The following UBE3D variants were observed in gnomAD, a reference collection of about 807,000 sequenced individuals.
UBE3D encodes the protein ubiquitin protein ligase E3D.
In UBE3D, 48 loss-of-function variants were observed where a neutral mutation model predicts 49.6. That is an observed-to-expected ratio of 0.97 (90% CI 0.77 to 1.23). UBE3D has a LOEUF of 1.23. UBE3D is among the 50% of genes most tolerant of loss of function. UBE3D has a pLI of 0.00. For missense variants in UBE3D, 452 were observed against 468.4 expected, an observed-to-expected ratio of 0.96 and a Z score of 0.32; for synonymous variants, 189 against 174.2, an observed-to-expected ratio of 1.08 and a Z score of -0.67.
intron 9 of UBE3D, among the ~76,000 whole-genome samples, chr6:82,910,626 G>A (rs112577981): frequency 2.6e-3 from 402 of 152,260 alleles, no homozygotes; most frequent in Non-Finnish European, 4.7e-3. Context: ...CTGCAGAGAC[G>A]GCTGTCACAG....
chr6:83,013,109 A>G (rs1301480028), intron 8 of UBE3D, among the ~76,000 whole-genome samples: 1 of 152,152 alleles, frequency 6.6e-6, no homozygotes, highest in South Asian at 2.1e-4. Context: ...CTCGAGCCCA[A>G]TCATGCATAT....
chr6:82,978,667 A>C (rs948675521), intron 8 of UBE3D, among the ~76,000 whole-genome samples: 1 of 152,178 alleles, frequency 6.6e-6, no homozygotes, highest in South Asian at 2.1e-4. Context: ...AAATGATTTA[A>C]ATCAGTCTAT....
intron 8 of UBE3D, among the ~76,000 whole-genome samples, chr6:83,013,153 C>T (rs1193227610): frequency 6.6e-6 from 1 of 152,184 alleles, no homozygotes; most frequent in Non-Finnish European, 1.5e-5. Context: ...TGCTGCTGTG[C>T]AGGACCACTT....
intron 8 of UBE3D, among the ~76,000 whole-genome samples, chr6:82,985,054 G>A (rs1451829608): frequency 9.8e-6 from 1 of 101,820 alleles, no homozygotes; most frequent in Non-Finnish European, 1.8e-5. Context: ...GTTTTGCTGT[G>A]TTGCCCAGGC....
intron 8 of UBE3D, among the ~76,000 whole-genome samples, chr6:82,996,260 G>A (rs961084299): frequency 5.3e-5 from 8 of 151,986 alleles, no homozygotes; most frequent in South Asian, 4.1e-4. Flanking sequence ...AAAGGGACAT[G>A]AGAGTCAACC....
At chr6:82,953,757 G>A (rs1470667942) in intron 9 of UBE3D, among the ~76,000 whole-genome samples, 2 of 152,108 alleles carry the variant, frequency 1.3e-5, no homozygotes, top group Non-Finnish European at 2.9e-5. Flanking sequence ...TTTTAGTAGA[G>A]GAAAAAGGTG....
intron 4 of UBE3D, among the ~76,000 whole-genome samples, chr6:83,039,981 A>G (rs540818499): frequency 6.6e-6 from 1 of 152,324 alleles, no homozygotes; most frequent in South Asian, 2.1e-4. Flanking sequence ...AACAGAAAAT[A>G]TGACAGTGCT....
chr6:82,996,806 A>G (rs182738410), intron 8 of UBE3D, among the ~76,000 whole-genome samples: 1 of 152,366 alleles, frequency 6.6e-6, no homozygotes, highest in East Asian at 1.9e-4. Context: ...ATGAAAAACA[A>G]GGAAAAACTA....
intron 7 of UBE3D, among the ~76,000 whole-genome samples, chr6:83,021,257 A>G (rs1197233888): frequency 6.6e-6 from 1 of 152,114 alleles, no homozygotes; most frequent in Non-Finnish European, 1.5e-5. Context: ...CCTGGGCAAC[A>G]TAGCAAGACC....
intron 5 of UBE3D, among the ~76,000 whole-genome samples, chr6:83,029,513 T>C (rs1176077853): frequency 2.0e-5 from 3 of 152,238 alleles, no homozygotes; most frequent in Non-Finnish European, 4.4e-5. Flanking sequence ...AAAAAGTTAT[T>C]TGCCATATTT....
Position 83,024,000 on chromosome 6 carries a change from A to T in UBE3D, c.706T>A (p.Ser236Thr). ...ATGATAGGAAAACTCCTCTCAGATGACTGAATAATTATCTCTGTCATATAA... is the reference window on the plus strand; with the variant it reads ...ATGATAGGAAAACTCCTCTCAGATGTCTGAATAATTATCTCTGTCATATAA... ...KFYMTEIIIQSSERSFPIIPR... is the reference protein window; with the variant it reads ...KFYMTEIIIQTSERSFPIIPR... Residue 236 changes from serine to threonine, a missense_variant, in exon 6 of 10, where the codon TCA becomes ACA. Coordinates refer to ENST00000369747, the MANE Select transcript of UBE3D (RefSeq NM_198920.3). 1.3e-6 allele frequency: 2 copies of T among 1,538,034 alleles called. No homozygotes were observed. Among genetic ancestry groups the T allele is most frequent in the Non-Finnish European group, 1.7e-6 (2 of 1,150,346 alleles).
intron 9 of UBE3D, among the ~76,000 whole-genome samples, chr6:82,907,347 C>G (rs966032088): frequency 6.6e-6 from 1 of 152,158 alleles, no homozygotes; most frequent in Non-Finnish European, 1.5e-5. Flanking sequence ...AAAATACTCT[C>G]TAAACTCACA....
At chr6:82,991,746 T>C (rs1164418804) in intron 8 of UBE3D, among the ~76,000 whole-genome samples, 1 of 152,116 alleles carries the variant, frequency 6.6e-6, no homozygotes, top group Non-Finnish European at 1.5e-5. Flanking sequence ...GCAGTTAAGA[T>C]TTACTTTCTT....
At chr6:83,037,463 G>A (rs1782343098) in intron 5 of UBE3D, 1 of 152,138 alleles carries the variant, frequency 6.6e-6, no homozygotes, top group Non-Finnish European at 1.5e-5. Context: ...CTTTTTCTAA[G>A]GTGTTGCTTC....
intron 9 of UBE3D, among the ~76,000 whole-genome samples, chr6:82,898,067 CAT>C (rs1318938226): frequency 2.0e-5 from 3 of 152,204 alleles, no homozygotes; most frequent in South Asian, 2.1e-4. Flanking sequence ...AGCCAACAAA[CAT>C]ATGAGAAAAA....
intron 9 of UBE3D, among the ~76,000 whole-genome samples, chr6:82,915,682 A>G (rs1223086136): frequency 6.6e-6 from 1 of 152,204 alleles, no homozygotes; most frequent in Non-Finnish European, 1.5e-5. Flanking sequence ...AAGATATTCT[A>G]TCATTGAACA....
intron 3 of UBE3D, chr6:83,049,791 G>C (rs779888510): frequency 2.1e-6 from 1 of 470,956 alleles, no homozygotes; most frequent in East Asian, 7.0e-5. Flanking sequence ...CGAAAGGCTT[G>C]AGTTTGAAAG....
rs1391719331 is a variant in UBE3D at position 82,892,493 on chromosome 6, T to C, written c.*529A>G. The C allele has an allele frequency of 2.5e-5, 4 of 156,894 alleles. No homozygotes were observed. Among genetic ancestry groups the C allele is most frequent in the Admixed American group, 2.4e-4 (4 of 16,506 alleles). The allele number at this position is 156,894 out of a possible 1,614,324, so 9.7% of individuals were successfully genotyped here. A position where few individuals can be genotyped will look rare whatever the true frequency, so the allele number is the denominator to read the frequency against. On this transcript the variant is annotated 3_prime_UTR_variant, in exon 10 of 10. Coordinates refer to ENST00000369747, the MANE Select transcript of UBE3D (RefSeq NM_198920.3). ...TTGCATAAATAGGAAATCCTTTAAT[T>C]TGATAATCATTCATTCAACAAACAT...
chr6:82,909,290 A>G (rs1167198695), intron 9 of UBE3D, among the ~76,000 whole-genome samples: 1 of 152,148 alleles, frequency 6.6e-6, no homozygotes, highest in African/African-American at 2.4e-5. Flanking sequence ...GTAGCTTACA[A>G]CTCAGGTTAC....
Sources: allele counts gnomAD v4.1 joint callset (sites outside exome capture counted in the v4.1 genomes callset), GRCh38; gene constraint gnomAD v4.1.1; transcripts MANE v1.5; gene names NCBI Gene and HGNC (gene_info 2026-07-23, HGNC 2026-07-21).